Variants in MCTP2 observed in about 807,000 individuals in gnomAD.
The protein encoded by MCTP2 is multiple C2 and transmembrane domain-containing protein 2.
Under a neutral mutation model 111.6 loss-of-function variants are expected in MCTP2, and 132 were observed. That is an observed-to-expected ratio of 1.18 (90% CI 1.03 to 1.37). The LOEUF (loss-of-function observed/expected upper bound fraction) is 1.37. Ranked by LOEUF, MCTP2 falls within the 40% of genes most tolerant of loss-of-function variation. The pLI is 0.00. For synonymous variants in MCTP2, 395 were observed against 387.7 expected (o/e 1.02, Z -0.22); for missense variants, 1,183 against 1,067.9 (o/e 1.11, Z -1.50).
intron 14 of MCTP2, among the ~76,000 whole-genome samples, chr15:94,388,432 C>A (rs1371959321): frequency 6.6e-6 from 1 of 152,162 alleles, no homozygotes; most frequent in Non-Finnish European, 1.5e-5. Context: ...ATTCAGTGGT[C>A]CACCTGCAAC....
chr15:94,268,939 A>T (rs2073755805), intron 1 of MCTP2, among the ~76,000 whole-genome samples: 1 of 152,212 alleles, frequency 6.6e-6, no homozygotes, highest in African/African-American at 2.4e-5. Flanking sequence ...GGATGGATTG[A>T]TGGAATACTT....
At chr15:94,383,631 AT>A (rs2080281970) in intron 12 of MCTP2, among the ~76,000 whole-genome samples, 1 of 152,242 alleles carries the variant, frequency 6.6e-6, no homozygotes, top group Non-Finnish European at 1.5e-5. Flanking sequence ...AAAACCACTT[AT>A]AAAACCATCA....
intron 17 of MCTP2, among the ~76,000 whole-genome samples, chr15:94,437,546 T>G (rs1310734560): frequency 6.6e-6 from 1 of 152,104 alleles, no homozygotes; most frequent in Non-Finnish European, 1.5e-5. Context: ...TTATGAAATG[T>G]TAATATCAAG....
At chr15:94,344,525 A>G (rs1449118158) in intron 7 of MCTP2, among the ~76,000 whole-genome samples, 1 of 152,210 alleles carries the variant, frequency 6.6e-6, no homozygotes, top group Non-Finnish European at 1.5e-5. Context: ...CAGCAGCCTT[A>G]GCATGACAGA....
intron 1 of MCTP2, among the ~76,000 whole-genome samples, chr15:94,273,052 T>C (rs2073994421): frequency 6.6e-6 from 1 of 152,218 alleles, no homozygotes; most frequent in African/African-American, 2.4e-5. Flanking sequence ...CCTGTACTTC[T>C]CAGCGAATTA....
At chr15:94,272,768 C>T (rs78912720) in intron 1 of MCTP2, among the ~76,000 whole-genome samples, 4,460 of 151,760 alleles carry the variant, frequency 0.029, 98 homozygotes, top group Non-Finnish European at 0.047. Flanking sequence ...TTTCTAGTTT[C>T]CTTTGCAAGT....
At chr15:94,317,815 A>G (rs1451844800) in intron 4 of MCTP2, among the ~76,000 whole-genome samples, 1 of 151,866 alleles carries the variant, frequency 6.6e-6, no homozygotes, top group African/African-American at 2.4e-5. Context: ...TCTCTTGCTC[A>G]TGTTTTCTCA....
chr15:94,404,414 C>T (rs888201595), intron 17 of MCTP2, among the ~76,000 whole-genome samples: 5 of 151,228 alleles, frequency 3.3e-5, no homozygotes, highest in African/African-American at 1.2e-4. Context: ...CGATTCTTCT[C>T]CCTCAGCCTC....
chr15:94,243,137 G>GTATATA lies in MCTP2; in HGVS notation c.-66+11473_-66+11474insTATATA, dbSNP rs1279669836. 2.3e-3 allele frequency among the ~76,000 whole-genome samples: 336 copies of GTATATA among 146,158 alleles called. 100 individuals carry two copies. Among genetic ancestry groups the GTATATA allele is most frequent in the Non-Finnish European group, 3.5e-3 (226 of 65,490 alleles). On this transcript the variant is annotated intron_variant, in intron 1 of 22. Coordinates refer to ENST00000357742, the MANE Select transcript of MCTP2 (RefSeq NM_001385001.1). Reference sequence around the variant, plus strand: ...TGTGTATATATGTATCTACGGGTGTGGATATATTTATATACGTGTGTGTAT... The same window carrying GTATATA: ...TGTGTATATATGTATCTACGGGTGTGTATATAGATATATTTATATACGTGTGTGTAT...
At position 94,370,117 on chromosome 15, in the gene MCTP2, G is replaced by A; in HGVS notation, c.1519G>A (p.Asp507Asn). The change falls in exon 12 of 23, where the codon GAC (aspartate) becomes AAC (asparagine). Residue 507 changes from aspartate to asparagine, a missense_variant. Transcript: ENST00000357742. ...ACAGAACTCCCTGAAAGATGTGAAAGACGTCGGCATTCTACAAGTGAAGGT... is the reference window on the plus strand; with the variant it reads ...ACAGAACTCCCTGAAAGATGTGAAAAACGTCGGCATTCTACAAGTGAAGGT... Reference protein sequence around the residue: ...CLQNSLKDVKDVGILQVKVLK... With the variant: ...CLQNSLKDVKNVGILQVKVLK... 6.2e-7 allele frequency: 1 copy of A among 1,613,052 alleles called. No individual in the cohort carries two copies. Among genetic ancestry groups the A allele is most frequent in the Non-Finnish European group, 8.5e-7 (1 of 1,179,492 alleles).
intron 2 of MCTP2, among the ~76,000 whole-genome samples, chr15:94,302,218 G>A (rs2075649622): frequency 6.6e-6 from 1 of 152,162 alleles, no homozygotes; most frequent in Non-Finnish European, 1.5e-5. Flanking sequence ...CTCTGAGCAG[G>A]GTGGTCAGGA....
At chr15:94,297,243 C>T (rs954635126) in intron 1 of MCTP2, among the ~76,000 whole-genome samples, 1 of 152,132 alleles carries the variant, frequency 6.6e-6, no homozygotes, top group Non-Finnish European at 1.5e-5. Context: ...ATGAGTTCAA[C>T]CTGTTATATC....
intron 18 of MCTP2, among the ~76,000 whole-genome samples, chr15:94,442,681 G>T (rs2083850401): frequency 6.6e-6 from 1 of 152,176 alleles, no homozygotes; most frequent in South Asian, 2.1e-4. Flanking sequence ...TGCCTTCAAA[G>T]GGCACTGGCC....
intron 17 of MCTP2, among the ~76,000 whole-genome samples, chr15:94,403,539 G>C (rs2081719104): frequency 6.6e-6 from 1 of 152,216 alleles, no homozygotes; most frequent in Non-Finnish European, 1.5e-5. Flanking sequence ...TGTGATTTTA[G>C]AAAAACAGAG....
intron 1 of MCTP2, chr15:94,292,925 A>G (rs2075097263): frequency 6.6e-6 from 1 of 152,228 alleles, no homozygotes; most frequent in African/African-American, 2.4e-5. Context: ...TACTACACAG[A>G]TGTAGCAGAG....
chr15:94,403,195 T>C (rs1412534950), intron 17 of MCTP2: 2 of 985,364 alleles, frequency 2.0e-6, no homozygotes, highest in African/African-American at 1.7e-5. Flanking sequence ...TCCTATACTT[T>C]TTCTGCTGTC....
At chr15:94,301,328 T>C (rs888321072) in intron 2 of MCTP2, among the ~76,000 whole-genome samples, 14 of 152,130 alleles carry the variant, frequency 9.2e-5, no homozygotes, top group African/African-American at 3.4e-4. Context: ...AGCTCCCTCC[T>C]CACCGGCTCC....
intron 4 of MCTP2, among the ~76,000 whole-genome samples, chr15:94,338,038 G>A (rs925362070): frequency 6.6e-6 from 1 of 152,162 alleles, no homozygotes; most frequent in African/African-American, 2.4e-5. Context: ...AAAGATTGAA[G>A]TAATGCATGA....
intron 1 of MCTP2, among the ~76,000 whole-genome samples, chr15:94,268,965 T>C (rs1204958971): frequency 6.6e-6 from 1 of 152,210 alleles, no homozygotes; most frequent in African/African-American, 2.4e-5. Flanking sequence ...ACATTATTTT[T>C]AAACTATTAG....
Sources: allele counts gnomAD v4.1 joint callset (sites outside exome capture counted in the v4.1 genomes callset), GRCh38; gene constraint gnomAD v4.1.1; transcripts MANE v1.5; gene names NCBI Gene and HGNC (gene_info 2026-07-23, HGNC 2026-07-21).